The following TMTC4 variants were observed in gnomAD, a reference collection of about 807,000 sequenced individuals.
TMTC4 encodes the protein transmembrane O-mannosyltransferase targeting cadherins 4.
In TMTC4, 65 loss-of-function variants were observed where a neutral mutation model predicts 86.0. The ratio of observed to expected loss-of-function variants is 0.76; its 90% CI spans 0.62 to 0.93. The LOEUF (loss-of-function observed/expected upper bound fraction) is 0.93. TMTC4 is among the 40% of genes least tolerant of loss of function. The probability of loss-of-function intolerance (pLI) is 0.00; values close to 1 mark genes in which losing one functional copy is unlikely to be tolerated. For synonymous variants in TMTC4, 379 were observed against 382.5 expected (o/e 0.99, Z 0.11); for missense variants, 866 against 948.1 (o/e 0.91, Z 1.14).
chr13:100,639,492 G>A (rs115828713), intron 7 of TMTC4, among the ~76,000 whole-genome samples: 221 of 152,340 alleles, frequency 1.5e-3, no homozygotes, highest in African/African-American at 5.2e-3. Flanking sequence ...GGTTCATGTG[G>A]TGAAGAGGCC....
rs879504349 is a variant in TMTC4 at position 100,674,173 on chromosome 13, CGCCCGGGCCGGTG to C, written c.-208+558_-208+570del. The C allele has an allele frequency of 5.0e-4, 488 of 973,296 alleles. 1 individual carries two copies. The highest frequency in any genetic ancestry group is 3.7e-3 in the Middle Eastern group (7 of 1,902). 60.3% of individuals were successfully genotyped at this position (973,296 alleles called of 1,614,324 possible). Reference sequence around the variant, plus strand: ...GAAGCGGCGGCTCGGTGGCCCCGGGCGCCCGGGCCGGTGGCCCCGCGCTCGCGCCGCTCCGCTC... The same window carrying C: ...GAAGCGGCGGCTCGGTGGCCCCGGGCGCCCCGCGCTCGCGCCGCTCCGCTC... On this transcript the variant is annotated intron_variant, in intron 1 of 18. Coordinates refer to ENST00000342624, the MANE Select transcript of TMTC4 (RefSeq NM_032813.5).
chr13:100,656,665 T>TC (rs1885163522), intron 5 of TMTC4, among the ~76,000 whole-genome samples, 197 bp from the exon 6 acceptor site: 1 of 150,068 alleles, frequency 6.7e-6, no homozygotes, highest in Non-Finnish European at 1.5e-5. Context: ...CATCTCAGCC[T>TC]CCTGAATAGC....
At chr13:100,609,391 C>CA (rs1388495219) in intron 17 of TMTC4, among the ~76,000 whole-genome samples, 1 of 151,614 alleles carries the variant, frequency 6.6e-6, no homozygotes. Flanking sequence ...CTAGATGTGG[C>CA]AAAAAAATAT....
chr13:100,637,368 C>T (rs544044215), intron 9 of TMTC4, among the ~76,000 whole-genome samples, 170 bp downstream of exon 9: 75 of 152,310 alleles, frequency 4.9e-4, no homozygotes, highest in Non-Finnish European at 9.0e-4. Flanking sequence ...CTCAGGAAGA[C>T]CTGCTTTCAT....
intron 6 of TMTC4, among the ~76,000 whole-genome samples, chr13:100,655,479 T>G (rs914274927): frequency 6.6e-6 from 1 of 152,154 alleles, no homozygotes; most frequent in Non-Finnish European, 1.5e-5. Context: ...GACCCCTCCC[T>G]CCCAGTCCTG....
chr13:100,673,302 C>T (rs1566656754), intron 1 of TMTC4: 2 of 985,332 alleles, frequency 2.0e-6, no homozygotes, highest in Non-Finnish European at 2.4e-6. Context: ...AACAGAATGG[C>T]GAGACCAAAC....
Position 100,603,635 on chromosome 13 carries a change from AG to A in TMTC4, c.*1358del. On this transcript the variant is annotated 3_prime_UTR_variant, in exon 19 of 19. Coordinates refer to ENST00000342624, the MANE Select transcript of TMTC4 (RefSeq NM_032813.5). ...AAAAAAAAAGAAATATTTTAAACAC[AG>A]CACTTTATTTCTTGATACATTTCAA... Among the ~76,000 whole-genome samples, 1 of 152,214 alleles carries A rather than the reference AG, an allele frequency of 6.6e-6. No homozygotes were observed. Among genetic ancestry groups the A allele is most frequent in the Non-Finnish European group, 1.5e-5 (1 of 67,988 alleles).
intron 15 of TMTC4, among the ~76,000 whole-genome samples, chr13:100,624,635 G>A (rs1880167864): frequency 6.6e-6 from 1 of 152,110 alleles, no homozygotes; most frequent in Non-Finnish European, 1.5e-5. Flanking sequence ...TTAAAACGAG[G>A]GCAGCAGACA....
chr13:100,615,102 GCTTT>G (rs1329337102), intron 15 of TMTC4: 1 of 158,834 alleles, frequency 6.3e-6, no homozygotes, highest in Non-Finnish European at 1.3e-5. Flanking sequence ...AATACCTGTT[GCTTT>G]CTTATTTTTT....
At chr13:100,634,166 T>C (rs1022776877) in intron 12 of TMTC4, among the ~76,000 whole-genome samples, 21 of 148,454 alleles carry the variant, frequency 1.4e-4, no homozygotes, top group Non-Finnish European at 2.6e-4. Flanking sequence ...GGTATAATTT[T>C]ATGGGACCAT....
chr13:100,663,858 C>T (rs916959300), intron 4 of TMTC4, among the ~76,000 whole-genome samples: 1 of 152,124 alleles, frequency 6.6e-6, no homozygotes, highest in Non-Finnish European at 1.5e-5. Flanking sequence ...ATTGCTTTTG[C>T]ATATTGACTT....
Position 100,664,348 on chromosome 13 carries a change from C to A in TMTC4, c.220-12G>T, listed in dbSNP as rs762050706. ...TCTGCTTGGAGGTCCTGCAGGGTCA[C>A]AAAGGGGATGTTCTGGACAAGGGTC... On this transcript the variant is annotated splice_polypyrimidine_tract_variant and intron_variant, in intron 3 of 18. Transcript: ENST00000342624. 1 of 1,593,190 alleles carries A rather than the reference C, an allele frequency of 6.3e-7. No homozygotes were observed. Among genetic ancestry groups the A allele is most frequent in the Non-Finnish European group, 8.6e-7 (1 of 1,168,882 alleles).
At chr13:100,665,366 T>C (rs1324257431) in intron 3 of TMTC4, among the ~76,000 whole-genome samples, 1 of 152,226 alleles carries the variant, frequency 6.6e-6, no homozygotes, top group Non-Finnish European at 1.5e-5. Flanking sequence ...CCCCGGGTTG[T>C]CCATCAAGAT....
chr13:100,667,838 C>T (rs1308203645), intron 3 of TMTC4, among the ~76,000 whole-genome samples: 1 of 152,208 alleles, frequency 6.6e-6, no homozygotes, highest in Non-Finnish European at 1.5e-5. Flanking sequence ...GCCTTGCCTG[C>T]CTCTGCATTT....
rs1422711154 is a variant in TMTC4 at position 100,631,435 on chromosome 13, G to A, written c.1506+3370C>T. On this transcript the variant is annotated intron_variant, in intron 12 of 18. Transcript: ENST00000342624. Reference sequence around the variant, plus strand: ...TGTTAAAAGAATTTATTATAGAATTGTATCACAGAGTTGATGGTGTGACAT... The same window carrying A: ...TGTTAAAAGAATTTATTATAGAATTATATCACAGAGTTGATGGTGTGACAT... Among the ~76,000 whole-genome samples, 3 of 152,152 alleles carry A rather than the reference G, an allele frequency of 2.0e-5. No individual in the cohort carries two copies. In the East Asian group the frequency reaches 5.8e-4, roughly 29 times the overall value.
chr13:100,616,662 C>T (rs1878552698), intron 15 of TMTC4, among the ~76,000 whole-genome samples: 1 of 152,208 alleles, frequency 6.6e-6, no homozygotes, highest in South Asian at 2.1e-4. Context: ...TTTTCTCCCA[C>T]AGCCTTGCCA....
intron 6 of TMTC4, among the ~76,000 whole-genome samples, chr13:100,653,584 A>G (rs1276625608): frequency 6.6e-6 from 1 of 152,168 alleles, no homozygotes; most frequent in Non-Finnish European, 1.5e-5. Context: ...CAGTGTGTCT[A>G]AGGCCCTCTC....
At chr13:100,661,449 C>T (rs949466355) in intron 5 of TMTC4, among the ~76,000 whole-genome samples, 8 of 152,200 alleles carry the variant, frequency 5.3e-5, no homozygotes, top group African/African-American at 1.9e-4. Flanking sequence ...TAAGATCACG[C>T]TAAATTAGAC....
At chr13:100,669,032 T>C (rs1306521515) in intron 2 of TMTC4, among the ~76,000 whole-genome samples, 3 of 152,194 alleles carry the variant, frequency 2.0e-5, no homozygotes, top group African/African-American at 7.2e-5. Flanking sequence ...TGGTTTCTGA[T>C]GCCAGAATAT....
Sources: allele counts gnomAD v4.1 joint callset (sites outside exome capture counted in the v4.1 genomes callset), GRCh38; gene constraint gnomAD v4.1.1; transcripts MANE v1.5; gene names NCBI Gene and HGNC (gene_info 2026-07-23, HGNC 2026-07-21).